PREX1: variants seen among roughly 807,000 people sequenced by gnomAD.
PREX1 encodes the protein phosphatidylinositol-3,4,5-trisphosphate dependent Rac exchange factor 1.
Under a neutral mutation model 198.3 loss-of-function variants are expected in PREX1, and 41 were observed. The observed-to-expected ratio is 0.21, with a 90% CI of 0.16 to 0.27. The LOEUF (loss-of-function observed/expected upper bound fraction) is 0.27, where lower values mean the gene tolerates loss of function less well. Among genes scored for constraint, PREX1 ranks in the 10% least tolerant of loss-of-function variants. The pLI is 1.00. For synonymous variants in PREX1, 843 were observed against 887.2 expected (o/e 0.95, Z 0.89); for missense variants, 1,620 against 2,200.7 (o/e 0.74, Z 5.28).
chr20:48,808,034 T>C (rs1350605215), intron 1 of PREX1, among the ~76,000 whole-genome samples: 1 of 151,950 alleles, frequency 6.6e-6, no homozygotes, highest in Non-Finnish European at 1.5e-5. Flanking sequence ...CACCCAGGAG[T>C]AACAAAGATG....
intron 1 of PREX1, among the ~76,000 whole-genome samples, chr20:48,760,273 C>T (rs2090173440): frequency 6.6e-6 from 1 of 152,096 alleles, no homozygotes; most frequent in Non-Finnish European, 1.5e-5. Context: ...ATGCACCAAG[C>T]ACACTCACAT....
At chr20:48,652,999 A>G (rs2073073) in intron 20 of PREX1, among the ~76,000 whole-genome samples, 8,362 of 152,250 alleles carry the variant, frequency 0.055, 295 homozygotes, top group South Asian at 0.13. Context: ...CAGTGAATCA[A>G]TCAATGAGGG....
At chr20:48,784,015 G>C (rs2090301397) in intron 1 of PREX1, among the ~76,000 whole-genome samples, 1 of 152,130 alleles carries the variant, frequency 6.6e-6, no homozygotes, top group African/African-American at 2.4e-5. Flanking sequence ...AAAGATGCAG[G>C]GTTTTATGAC....
At chr20:48,782,624 G>A (rs957653617) in intron 1 of PREX1, among the ~76,000 whole-genome samples, 2 of 152,172 alleles carry the variant, frequency 1.3e-5, no homozygotes, top group Admixed American at 1.3e-4. Flanking sequence ...ATAATGGCCG[G>A]CCAGGGAAGG....
chr20:48,801,512 G>C (rs2090386619), intron 1 of PREX1, among the ~76,000 whole-genome samples: 1 of 152,166 alleles, frequency 6.6e-6, no homozygotes, highest in Admixed American at 6.5e-5. Flanking sequence ...TCCTCCAGTA[G>C]GTAAGGGCCA....
rs920644762 is a variant in PREX1, at chr20:48,827,668, C to A, written c.193G>T (p.Val65Leu). The part of the protein sequence containing the change: ...NEILGTERDY[V>L]GTLRFLQSAF... ...GACTGCAAGAAGCGCAAGGTGCCCACGTAGTCCCTCTCGGTGCCCAAGATC... is the reference window on the plus strand; with the variant it reads ...GACTGCAAGAAGCGCAAGGTGCCCAAGTAGTCCCTCTCGGTGCCCAAGATC... The change falls in exon 1 of 40, where the codon GTG (valine) becomes TTG (leucine). Residue 65 changes from valine (V) to leucine (L), a missense_variant. Physicochemically the swap from Val to Leu is conservative, Grantham distance 32. Around this residue, in one of 7 missense-constraint regions of PREX1, gnomAD observed 96 missense variants for 98.7 expected, o/e 0.97. Transcript: ENST00000371941. The surrounding 1 kb of genome is among the most constrained non-coding windows in gnomAD (Gnocchi z 4.1). The A allele has an allele frequency of 1.5e-6, 2 of 1,360,422 alleles. No individual in the cohort carries two copies. The highest frequency in any genetic ancestry group is 1.9e-6 in the Non-Finnish European group (2 of 1,044,374). 84.3% of individuals were successfully genotyped at this position (1,360,422 alleles called of 1,614,324 possible).
rs1601085072 is a variant in PREX1 at position 48,700,775 on chromosome 20, C to T, written c.895G>A (p.Val299Ile). The change falls in exon 7 of 40, where the codon GTC (valine) becomes ATC (isoleucine). Residue 299 changes from valine to isoleucine, a missense_variant. By Grantham distance (29) the Val-to-Ile change is conservative (BLOSUM62 3). Around this residue, in one of 7 missense-constraint regions of PREX1, gnomAD observed 488 missense variants for 802.5 expected, o/e 0.61. Transcript: ENST00000371941. ...RAFFLFDNLL[V>I]YCKRKSRVTG... ...CACCTGGATTTCCGCTTGCAGTAGA[C>T]GAGAAGGTTGTCGAAGAGGAAGAAG... 5 of 1,613,402 alleles carry T rather than the reference C, an allele frequency of 3.1e-6. No homozygotes were observed. The highest frequency in any genetic ancestry group is 4.5e-5 in the East Asian group (2 of 44,878).
At chr20:48,838,118 G>A in the PREX1 span, among the ~76,000 whole-genome samples, 2 of 152,182 alleles carry the variant, frequency 1.3e-5, no homozygotes, top group African/African-American at 4.8e-5. Flanking sequence ...GCCAGGCAGC[G>A]GTTTCCTCTC....
At chr20:48,683,417 C>A (rs2089765005) in intron 10 of PREX1, among the ~76,000 whole-genome samples, 1 of 152,246 alleles carries the variant, frequency 6.6e-6, no homozygotes, top group African/African-American at 2.4e-5. Context: ...GGTCCCTGTG[C>A]CTCTCTGGGC....
chr20:48,691,059 G>A lies in PREX1; in HGVS notation c.1074C>T (p.Gly358=), dbSNP rs1468572576. ...YHSNGYTVTN[G]WKIHNTAKNK... ...TCTTGGCCGTGTTGTGGATCTTCCAGCCGTTGGTGACGGTATAGCCGTTGC... is the reference window on the plus strand; with the variant it reads ...TCTTGGCCGTGTTGTGGATCTTCCAACCGTTGGTGACGGTATAGCCGTTGC... The change falls in exon 9 of 40, where the codon GGC becomes GGT. Residue 358 remains glycine (G), a synonymous_variant. Transcript: ENST00000371941. This position sits in a 1 kb window ranked among gnomAD's most constrained non-coding sequence, Gnocchi z 5.0. 1 of 1,614,246 alleles carries A rather than the reference G, an allele frequency of 6.2e-7. No individual in the cohort carries two copies. The highest frequency in any genetic ancestry group is 1.7e-5 in the Admixed American group (1 of 60,028).
Position 48,719,881 on chromosome 20 carries a change from GCTCAGAACCTTCCCATGGCTCCCAC to G in PREX1, c.621+6384_621+6408del, listed in dbSNP as rs550941247. ...ACTAAGGCAGATCCCATTCCTCCCT[GCTCAGAACCTTCCCATGGCTCCCAC>G]CTCACCAAGATGGAAAATAAAGACC... On this transcript the variant is annotated intron_variant, in intron 5 of 39. Coordinates refer to ENST00000371941, the MANE Select transcript of PREX1 (RefSeq NM_020820.4). 2.3e-3 allele frequency among the ~76,000 whole-genome samples: 343 copies of G among 152,180 alleles called. 3 individuals are homozygous for G. The East Asian group carries it at 0.043, about 19-fold the overall frequency.
At chr20:48,854,939 TC>T in the PREX1 span, among the ~76,000 whole-genome samples, 170 of 152,180 alleles carry the variant, frequency 1.1e-3, 1 homozygote, top group Non-Finnish European at 7.6e-4. Context: ...ATTGATTACC[TC>T]CTGTGCTTCA....
intron 4 of PREX1, among the ~76,000 whole-genome samples, chr20:48,734,153 TTAC>T (rs1449105518): frequency 6.6e-6 from 1 of 152,230 alleles, no homozygotes; most frequent in African/African-American, 2.4e-5. Context: ...GTATTAATAA[TTAC>T]TACTCTTGCT....
rs1387260158 is a variant in PREX1 at position 48,666,239 on chromosome 20, G to A, written c.1738+44C>T. ...ATACTCCCCCAAACCATCAGCTCCA[G>A]GGAGCAAGGTCCCGGGGGCTGGGCT... On this transcript the variant is annotated intron_variant, in intron 15 of 39. Transcript: ENST00000371941. This position sits in a 1 kb window ranked among gnomAD's most constrained non-coding sequence, Gnocchi z 4.3. 1.3e-6 allele frequency: 2 copies of A among 1,515,640 alleles called. No homozygotes were observed. The highest frequency in any genetic ancestry group is 4.9e-5 in the East Asian group (2 of 40,748). 93.9% of individuals were successfully genotyped at this position (1,515,640 alleles called of 1,614,324 possible). A position where few individuals can be genotyped will look rare whatever the true frequency, so the allele number is the denominator to read the frequency against.
chr20:48,661,543 G>GTATA (rs1188265918), intron 15 of PREX1, among the ~76,000 whole-genome samples: 13 of 86,310 alleles, frequency 1.5e-4, no homozygotes, highest in African/African-American at 4.9e-4. Flanking sequence ...GTGTGTGTGT[G>GTATA]TATATATATA....
rs1462980891 is a variant in PREX1 at position 48,629,628 on chromosome 20, G to A, written c.4594-7C>T. On this transcript the variant is annotated splice_polypyrimidine_tract_variant and splice_region_variant and intron_variant, in intron 36 of 39. Transcript: ENST00000371941. ...CATTGATGGGGCGGATCAGCTGTAG[G>A]GGGTACCACACATAACCGGGGAGTT... The A allele has an allele frequency of 1.9e-6, 3 of 1,613,500 alleles. No homozygotes were observed. Among genetic ancestry groups the A allele is most frequent in the African/African-American group, 2.7e-5 (2 of 74,870 alleles).
At chr20:48,705,496 A>G (rs2089898778) in intron 6 of PREX1, among the ~76,000 whole-genome samples, 1 of 152,240 alleles carries the variant, frequency 6.6e-6, no homozygotes, top group African/African-American at 2.4e-5. Context: ...GATGACAGCT[A>G]TCTGATCAGA....
intron 32 of PREX1, among the ~76,000 whole-genome samples, chr20:48,635,021 C>A (rs2089351222): frequency 6.6e-6 from 1 of 152,176 alleles, no homozygotes; most frequent in Non-Finnish European, 1.5e-5. Flanking sequence ...AAAGTCACTG[C>A]CTCTCTTGCC....
intron 5 of PREX1, among the ~76,000 whole-genome samples, chr20:48,723,863 G>A (rs891823622): frequency 2.6e-5 from 4 of 152,120 alleles, no homozygotes; most frequent in South Asian, 2.1e-4. Context: ...CAGGTCCAGC[G>A]ACACCATGTG....
Sources: gnomAD v4.1 joint callset for allele counts (sites outside exome capture counted in the v4.1 genomes callset) on GRCh38, gnomAD v4.1.1 for gene constraint, gnomAD v4.1.1 regional missense constraint, Gnocchi (gnomAD v3.1) non-coding constraint, MANE v1.5 for transcripts, NCBI Gene and HGNC (gene_info 2026-07-23, HGNC 2026-07-21) for gene names.